Variants in PRKG1 observed in about 807,000 individuals in gnomAD.
PRKG1 encodes cGMP-dependent protein kinase 1.
Under a neutral mutation model 88.1 loss-of-function variants are expected in PRKG1, and 35 were observed. The ratio of observed to expected loss-of-function variants is 0.40; its 90% CI spans 0.30 to 0.53. The LOEUF (loss-of-function observed/expected upper bound fraction) is 0.53, where lower values mean the gene tolerates loss of function less well. Ranked by LOEUF, PRKG1 falls within the 20% of genes least tolerant of loss-of-function variation. The pLI is 0.59. For missense variants in PRKG1, 540 were observed against 839.8 expected (o/e 0.64, Z 4.41); for synonymous variants, 303 against 292.5 (o/e 1.04, Z -0.37).
chr10:51,262,129 G>T (rs981790957), intron 2 of PRKG1, among the ~76,000 whole-genome samples: 1 of 151,678 alleles, frequency 6.6e-6, no homozygotes, highest in Admixed American at 6.6e-5. Flanking sequence ...CTCGTGATCC[G>T]CCCGCCTCGG....
intron 3 of PRKG1, among the ~76,000 whole-genome samples, chr10:51,748,588 G>T (rs555295589): frequency 5.3e-5 from 8 of 152,194 alleles, no homozygotes; most frequent in African/African-American, 1.9e-4. Flanking sequence ...TAAAAAAGAG[G>T]ACTCTCCACA....
intron 1 of PRKG1, among the ~76,000 whole-genome samples, chr10:51,133,547 T>C (rs990050907): frequency 3.3e-5 from 5 of 152,200 alleles, no homozygotes; most frequent in Non-Finnish European, 7.3e-5. Flanking sequence ...GAAAAAAGAT[T>C]CAAACTCAGG....
At chr10:51,003,075 G>GA (rs1292885920) in intron 1 of PRKG1, among the ~76,000 whole-genome samples, 1 of 151,924 alleles carries the variant, frequency 6.6e-6, no homozygotes, top group Non-Finnish European at 1.5e-5. Context: ...CCTAGGTTAG[G>GA]AAAAAAACAA....
intron 3 of PRKG1, among the ~76,000 whole-genome samples, chr10:51,660,024 C>T (rs780787552): frequency 1.3e-4 from 19 of 150,624 alleles, no homozygotes; most frequent in Non-Finnish European, 1.8e-4. Context: ...GTTTGAGATA[C>T]GCTTTTGAGA....
intron 9 of PRKG1, among the ~76,000 whole-genome samples, chr10:52,204,873 G>A (rs541825413): frequency 3.0e-4 from 45 of 152,246 alleles, no homozygotes; most frequent in African/African-American, 8.2e-4. Flanking sequence ...CTGGCTGCCC[G>A]TTGGCTGGGC....
rs564400769 is a variant in PRKG1, at chr10:51,419,272, A to G, written c.479-48451A>G. ...GCACAGGTGCAGTATATCAGTGACA[A>G]TCACTGATTCTCAAGGAAGTGAAGG... is the stretch of plus-strand genomic sequence containing the variant. On this transcript the variant is annotated intron_variant, in intron 2 of 17. Transcript: ENST00000373980. Among the ~76,000 whole-genome samples, 9 of 152,302 alleles carry G rather than the reference A, an allele frequency of 5.9e-5. No individual in the cohort carries two copies. In the South Asian group the frequency reaches 1.9e-3, roughly 32 times the overall value.
chr10:52,160,490 A>G (rs944698844), intron 8 of PRKG1, among the ~76,000 whole-genome samples: 2 of 151,878 alleles, frequency 1.3e-5, no homozygotes, highest in Admixed American at 1.3e-4. Flanking sequence ...CCCTTTATGT[A>G]TAGAAATAGT....
intron 5 of PRKG1, among the ~76,000 whole-genome samples, chr10:52,050,765 T>C (rs967308870): frequency 6.6e-6 from 1 of 152,120 alleles, no homozygotes; most frequent in Non-Finnish European, 1.5e-5. Flanking sequence ...CCATATCAGA[T>C]GATATTAAGA....
At chr10:51,960,744 A>G (rs1220318634) in intron 5 of PRKG1, among the ~76,000 whole-genome samples, 2 of 152,308 alleles carry the variant, frequency 1.3e-5, no homozygotes, top group African/African-American at 4.8e-5. Context: ...CACGTGTTTT[A>G]TGCAGAGATG....
Position 51,296,129 on chromosome 10 carries a change from A to G in PRKG1, c.478+142799A>G, listed in dbSNP as rs117743943. Among the ~76,000 whole-genome samples, 726 of 152,030 alleles carry G rather than the reference A, an allele frequency of 4.8e-3. 5 individuals carry two copies. Among genetic ancestry groups the G allele is most frequent in the Non-Finnish European group, 6.5e-3 (441 of 67,936 alleles). On this transcript the variant is annotated intron_variant, in intron 2 of 17. Coordinates refer to ENST00000373980, the MANE Select transcript of PRKG1 (RefSeq NM_006258.4). ...GTATTTATCAGGAATATTTGCTTTT[A>G]GTTTCCTTTTCTTGTTGTATCTTTG...
intron 1 of PRKG1, among the ~76,000 whole-genome samples, chr10:51,135,354 TA>T (rs1350201912): frequency 6.6e-6 from 1 of 152,022 alleles, no homozygotes; most frequent in African/African-American, 2.4e-5. Flanking sequence ...AGAGAACTAG[TA>T]GAGTTATAGT....
intron 1 of PRKG1, among the ~76,000 whole-genome samples, chr10:51,098,746 C>A (rs1346982568): frequency 6.6e-6 from 1 of 152,206 alleles, no homozygotes; most frequent in Non-Finnish European, 1.5e-5. Flanking sequence ...TTAAAGGACA[C>A]CTGTATGTCA....
At chr10:51,812,450 T>C (rs755232515) in intron 4 of PRKG1, among the ~76,000 whole-genome samples, 2 of 152,184 alleles carry the variant, frequency 1.3e-5, no homozygotes, top group Non-Finnish European at 2.9e-5. Context: ...TGTTGACCAA[T>C]GCCAGCTGCA....
chr10:51,247,407 C>T (rs1464592151), intron 2 of PRKG1, among the ~76,000 whole-genome samples: 2 of 151,814 alleles, frequency 1.3e-5, no homozygotes, highest in East Asian at 3.9e-4. Flanking sequence ...ATTACATGAG[C>T]AAAACACATT....
chr10:51,052,909 A>G (rs1315983387), intron 1 of PRKG1, among the ~76,000 whole-genome samples: 3 of 152,196 alleles, frequency 2.0e-5, no homozygotes, highest in Non-Finnish European at 4.4e-5. Context: ...TAACTAGTAG[A>G]TGATACTCAA....
At chr10:52,088,881 C>T (rs557240599) in intron 7 of PRKG1, among the ~76,000 whole-genome samples, 27 of 152,250 alleles carry the variant, frequency 1.8e-4, no homozygotes, top group African/African-American at 6.0e-4. Context: ...CACTGACCCT[C>T]CTAATCAGAA....
At chr10:52,131,430 G>A (rs1392948365) in intron 7 of PRKG1, among the ~76,000 whole-genome samples, 2 of 152,068 alleles carry the variant, frequency 1.3e-5, no homozygotes, top group Non-Finnish European at 2.9e-5. Flanking sequence ...CTGAAGAAGA[G>A]GTACGTAGGC....
At chr10:51,706,236 G>A (rs1451575283) in intron 3 of PRKG1, among the ~76,000 whole-genome samples, 2 of 152,160 alleles carry the variant, frequency 1.3e-5, no homozygotes, top group African/African-American at 4.8e-5. Flanking sequence ...AAAATGCTTA[G>A]TGTATTTAAT....
In PRKG1 at chr10:50,991,391, G is replaced by C. The variant is rs200844105; in HGVS notation, c.13G>C (p.Glu5Gln). 505 of 1,548,524 alleles carry C rather than the reference G, an allele frequency of 3.3e-4. No individual in the cohort carries two copies. The African/African-American group carries it at 6.4e-3, about 20-fold the overall frequency. Residue 5 changes from glutamate to glutamine, a missense_variant, in exon 1 of 18, where the codon GAG becomes CAG. Physicochemically the swap from Glu to Gln is conservative, Grantham distance 29 (BLOSUM62 2). Transcript: ENST00000401604. This position sits in a 1 kb window ranked among gnomAD's most constrained non-coding sequence, Gnocchi z 4.5. ...GCTCAGTGAAAAAATGAGCGAGCTA[G>C]AGGAAGACTTTGCCAAGATTCTCAT...
Sources: allele counts gnomAD v4.1 joint callset (sites outside exome capture counted in the v4.1 genomes callset), GRCh38; gene constraint gnomAD v4.1.1; non-coding constraint Gnocchi (gnomAD v3.1); transcripts MANE v1.5; gene names NCBI Gene and HGNC (gene_info 2026-07-23, HGNC 2026-07-21).